NMNAT2: variants seen among roughly 807,000 people sequenced by gnomAD.
NMNAT2 encodes nicotinamide nucleotide adenylyltransferase 2.
A neutral mutation model predicts 41.6 loss-of-function variants in NMNAT2; 11 were observed. The observed-to-expected ratio is 0.26, with a 90% CI of 0.17 to 0.44. The LOEUF (loss-of-function observed/expected upper bound fraction) is 0.44, where lower values mean the gene tolerates loss of function less well. Ranked by LOEUF, NMNAT2 falls within the 20% of genes least tolerant of loss-of-function variation. NMNAT2 has a pLI of 1.00. For missense variants in NMNAT2, 288 were observed against 407.7 expected, an observed-to-expected ratio of 0.71 and a Z score of 2.53; for synonymous variants, 148 against 151.2, an observed-to-expected ratio of 0.98 and a Z score of 0.16.
intron 1 of NMNAT2, among the ~76,000 whole-genome samples, chr1:183,312,126 C>T (rs898959325): frequency 2.2e-4 from 33 of 152,056 alleles, no homozygotes; most frequent in African/African-American, 4.6e-4. Flanking sequence ...ATGTCTTTAC[C>T]GGCAGTGTGA....
intron 1 of NMNAT2, among the ~76,000 whole-genome samples, chr1:183,294,896 G>A (rs555859715): frequency 1.7e-3 from 257 of 152,294 alleles, no homozygotes; most frequent in Non-Finnish European, 2.1e-3. Context: ...AGTAGAAGGC[G>A]GCCTGGGCAG....
intron 7 of NMNAT2, among the ~76,000 whole-genome samples, chr1:183,279,787 A>T (rs1661214119): frequency 6.6e-6 from 1 of 152,198 alleles, no homozygotes; most frequent in African/African-American, 2.4e-5. Context: ...AGGGAGCCCC[A>T]CTGAGGACTG....
intron 1 of NMNAT2, among the ~76,000 whole-genome samples, chr1:183,409,322 T>TTTTTG (rs770083900): frequency 2.6e-4 from 39 of 152,180 alleles, no homozygotes; most frequent in Non-Finnish European, 5.4e-4. Context: ...TATATTTTTG[T>TTTTTG]TTTTGTTTTC....
chr1:183,381,635 T>C (rs976370134), intron 1 of NMNAT2, among the ~76,000 whole-genome samples: 1 of 151,908 alleles, frequency 6.6e-6, no homozygotes, highest in Admixed American at 6.6e-5. Context: ...AAGAAGAGGT[T>C]CCAGTGAGCC....
intron 1 of NMNAT2, among the ~76,000 whole-genome samples, chr1:183,347,226 A>G (rs1662949952): frequency 1.3e-5 from 2 of 152,138 alleles, no homozygotes; most frequent in South Asian, 2.1e-4. Context: ...GGCCGAGGCT[A>G]GAGGATTGCT....
intron 8 of NMNAT2, among the ~76,000 whole-genome samples, chr1:183,268,707 T>C (rs951136075): frequency 2.0e-5 from 3 of 152,166 alleles, no homozygotes; most frequent in Admixed American, 2.0e-4. Context: ...AGGGCTTACC[T>C]TCAAGTAAGG....
chr1:183,375,566 CT>C (rs1257780386), intron 1 of NMNAT2, among the ~76,000 whole-genome samples: 1 of 152,210 alleles, frequency 6.6e-6, no homozygotes, highest in Non-Finnish European at 1.5e-5. Context: ...AAGAAAACTT[CT>C]TGGATTTCCC....
At chr1:183,298,249 A>G (rs374285726) in intron 1 of NMNAT2, among the ~76,000 whole-genome samples, 1 of 152,322 alleles carries the variant, frequency 6.6e-6, no homozygotes, top group African/African-American at 2.4e-5. Context: ...AAGGAAAATA[A>G]AAAAACCTGT....
intron 1 of NMNAT2, among the ~76,000 whole-genome samples, chr1:183,378,384 A>C: frequency 7.0e-6 from 1 of 142,852 alleles, no homozygotes; most frequent in Admixed American, 6.9e-5. Flanking sequence ...ACAGAGGGAG[A>C]CTCCATTAAA....
intron 1 of NMNAT2, among the ~76,000 whole-genome samples, chr1:183,389,220 C>A (rs1648359573): frequency 6.6e-6 from 1 of 152,154 alleles, no homozygotes; most frequent in South Asian, 2.1e-4. Flanking sequence ...ATCTCTATAT[C>A]CCCCTTATTA....
In NMNAT2 at chr1:183,290,086, C is replaced by T. The variant is rs1322985178; in HGVS notation, c.321+42G>A. 4 of 1,501,838 alleles carry T rather than the reference C, an allele frequency of 2.7e-6. 1 individual carries two copies. Among genetic ancestry groups the T allele is most frequent in the Middle Eastern group, 3.8e-4 (2 of 5,196 alleles). The allele number at this position is 1,501,838 out of a possible 1,614,324, so 93.0% of individuals were successfully genotyped here. On this transcript the variant is annotated intron_variant, in intron 4 of 10. Coordinates refer to ENST00000287713, the MANE Select transcript of NMNAT2 (RefSeq NM_015039.4). ...GTGGGTCCAGCCCCTTCCGCCCTTGCACTCTGGTGGTTCACGCATCCCCAG... is the reference window on the plus strand; with the variant it reads ...GTGGGTCCAGCCCCTTCCGCCCTTGTACTCTGGTGGTTCACGCATCCCCAG...
intron 1 of NMNAT2, among the ~76,000 whole-genome samples, chr1:183,359,386 T>C (rs112117554): frequency 1.2e-4 from 18 of 151,980 alleles, no homozygotes; most frequent in African/African-American, 4.1e-4. Context: ...ACCCAAGAGA[T>C]AGAAAAGAAG....
At chr1:183,277,512 CAAAAAAAAAAAAA>C (rs759856572) in intron 8 of NMNAT2, among the ~76,000 whole-genome samples, 1 of 47,712 alleles carries the variant, frequency 2.1e-5, no homozygotes, top group Non-Finnish European at 4.8e-5. Flanking sequence ...GACTCCGTCT[CAAAAAAAAAAAAA>C]AAAAAAAAAA....
Position 183,344,037 on chromosome 1 carries a change from C to T in NMNAT2, c.86-50244G>A, listed in dbSNP as rs80182504. ...CCCATAATATTCTCTGTCTAAAATGCCTCTCCCTCATTGCTTACCTAGCAA... is the reference window on the plus strand; with the variant it reads ...CCCATAATATTCTCTGTCTAAAATGTCTCTCCCTCATTGCTTACCTAGCAA... On this transcript the variant is annotated intron_variant, in intron 1 of 10. Transcript: ENST00000287713. 1.5e-3 allele frequency among the ~76,000 whole-genome samples: 235 copies of T among 152,272 alleles called. 9 individuals carry two copies. The East Asian group carries it at 0.032, about 21-fold the overall frequency.
chr1:183,356,929 G>A (rs1423659172), intron 1 of NMNAT2, among the ~76,000 whole-genome samples: 1 of 152,178 alleles, frequency 6.6e-6, no homozygotes, highest in Non-Finnish European at 1.5e-5. Flanking sequence ...ATTCCATGGT[G>A]CATAGGTCTA....
At position 183,251,385 on chromosome 1, in the gene NMNAT2, G is replaced by C. The variant is rs199584779; in HGVS notation, c.*1256C>G. 2 of 152,252 alleles carry C rather than the reference G, an allele frequency of 1.3e-5. No individual in the cohort carries two copies. Among genetic ancestry groups the C allele is most frequent in the Non-Finnish European group, 2.9e-5 (2 of 68,072 alleles). 9.4% of individuals were successfully genotyped at this position (152,252 alleles called of 1,614,324 possible). A position where few individuals can be genotyped will look rare whatever the true frequency, so the allele number is the denominator to read the frequency against. ...TCAGTTATCATCAGGGCAACAAATTGCTTTCTCCTAGTTCATCCTGGACTT... is the reference window on the plus strand; with the variant it reads ...TCAGTTATCATCAGGGCAACAAATTCCTTTCTCCTAGTTCATCCTGGACTT... On this transcript the variant is annotated 3_prime_UTR_variant, in exon 11 of 11. Transcript: ENST00000287713.
At chr1:183,314,174 A>G (rs1341799859) in intron 1 of NMNAT2, among the ~76,000 whole-genome samples, 1 of 152,246 alleles carries the variant, frequency 6.6e-6, no homozygotes, top group Non-Finnish European at 1.5e-5. Context: ...GATAAGATCC[A>G]AACTCCCAAA....
At position 183,251,292 on chromosome 1, in the gene NMNAT2, C is replaced by A. The variant is rs1163860243; in HGVS notation, c.*1349G>T. ...CAACCACAGAAACAAGACCAAGGCA[C>A]TGCTTCTCAAGAAGAAACTGACCTC... On this transcript the variant is annotated 3_prime_UTR_variant, in exon 11 of 11. Transcript: ENST00000287713. The A allele has an allele frequency of 6.6e-6, 1 of 152,114 alleles. No homozygotes were observed. Among genetic ancestry groups the A allele is most frequent in the African/African-American group, 2.4e-5 (1 of 41,302 alleles). The allele number at this position is 152,114 out of a possible 1,614,324, so 9.4% of individuals were successfully genotyped here.
intron 10 of NMNAT2, among the ~76,000 whole-genome samples, chr1:183,259,552 C>T (rs1660603788): frequency 6.6e-6 from 1 of 152,150 alleles, no homozygotes; most frequent in Admixed American, 6.5e-5. Context: ...CAATGTTCCC[C>T]ATAGTCTTCT....
Sources: allele counts gnomAD v4.1 joint callset (sites outside exome capture counted in the v4.1 genomes callset), GRCh38; gene constraint gnomAD v4.1.1; transcripts MANE v1.5; gene names NCBI Gene and HGNC (gene_info 2026-07-23, HGNC 2026-07-21).